The following RERE variants were observed in gnomAD, a reference collection of about 807,000 sequenced individuals.
The protein encoded by RERE is arginine-glutamic acid dipeptide repeats.
A neutral mutation model predicts 146.1 loss-of-function variants in RERE; 40 were observed. The observed-to-expected ratio is 0.27, with a 90% CI of 0.21 to 0.36. The LOEUF is 0.36. Ranked by LOEUF, RERE falls within the 10% of genes least tolerant of loss-of-function variation. The pLI, the probability that RERE is intolerant of heterozygous loss-of-function variation, is 1.00. For synonymous variants in RERE, 1,003 were observed against 866.0 expected (o/e 1.16, Z -2.78); for missense variants, 1,933 against 2,138.7 (o/e 0.90, Z 1.90).
chr1:8,624,273 T>C (rs757446504), intron 3 of RERE, 37 bp downstream of exon 3: 29 of 1,459,396 alleles, frequency 2.0e-5, no homozygotes, highest in African/African-American at 2.8e-5. Context: ...AAAGAGAGAA[T>C]ACAGAGCAGA....
At chr1:8,716,654 G>A (rs925811245) in intron 1 of RERE, among the ~76,000 whole-genome samples, 10 of 151,792 alleles carry the variant, frequency 6.6e-5, no homozygotes, top group Admixed American at 3.3e-4. Flanking sequence ...GATTAAGTAC[G>A]TGCACATATA....
intron 7 of RERE, among the ~76,000 whole-genome samples, chr1:8,516,147 C>A (rs1413009668): frequency 7.0e-5 from 10 of 143,474 alleles, no homozygotes; most frequent in African/African-American, 2.6e-4. Context: ...ATTGCTCAAA[C>A]CCAGGAGATG....
intron 1 of RERE, among the ~76,000 whole-genome samples, chr1:8,801,057 G>A (rs550145600): frequency 8.5e-5 from 13 of 152,102 alleles, no homozygotes; most frequent in African/African-American, 1.2e-4. Context: ...CCAGGAGTTC[G>A]AGACCAGCCT....
chr1:8,687,679 C>T (rs1374016803), intron 1 of RERE, among the ~76,000 whole-genome samples: 1 of 152,072 alleles, frequency 6.6e-6, no homozygotes, highest in African/African-American at 2.4e-5. Context: ...AGATTACATC[C>T]CATTTTCACA....
chr1:8,497,512 C>T lies in RERE; in HGVS notation c.897G>A (p.Leu299=). Residue 299 remains leucine, a synonymous_variant, in exon 9 of 23, where the codon CTG becomes CTA. Coordinates refer to ENST00000400908, the MANE Select transcript of RERE (RefSeq NM_001042681.2). ...GPSHQAKLPD[L]QPFPSPDGDT... is the part of the protein sequence containing the mutation. ...CACCATCTGGAGAAGGAAATGGTTG[C>T]AGATCTGGAAGTTTGGCCTGTAAGA... 2 of 1,614,062 alleles carry T rather than the reference C, an allele frequency of 1.2e-6. No homozygotes were observed. The highest frequency in any genetic ancestry group is 1.7e-6 in the Non-Finnish European group (2 of 1,179,988).
chr1:8,431,339 G>T (rs1340968193), intron 11 of RERE, among the ~76,000 whole-genome samples: 7 of 152,198 alleles, frequency 4.6e-5, no homozygotes, highest in South Asian at 4.1e-4. Flanking sequence ...GCATGTGAGG[G>T]ATCTGGGTTG....
At chr1:8,518,179 G>A (rs1403051606) in intron 7 of RERE, among the ~76,000 whole-genome samples, 1 of 152,214 alleles carries the variant, frequency 6.6e-6, no homozygotes, top group Non-Finnish European at 1.5e-5. Context: ...GAAGATGAGG[G>A]AGGAGGATAG....
intron 2 of RERE, among the ~76,000 whole-genome samples, chr1:8,640,340 T>G (rs1156466279): frequency 6.6e-6 from 1 of 152,118 alleles, no homozygotes; most frequent in African/African-American, 2.4e-5. Flanking sequence ...ACTCCATCTG[T>G]CAAGTATCAA....
At chr1:8,388,238 A>G (rs1488749683) in intron 12 of RERE, among the ~76,000 whole-genome samples, 1 of 152,244 alleles carries the variant, frequency 6.6e-6, no homozygotes, top group African/African-American at 2.4e-5. Flanking sequence ...GGGGGGTTAT[A>G]GCAGAATACC....
chr1:8,635,962 C>T lies in RERE; in HGVS notation c.326-11582G>A, dbSNP rs566310715. ...ATTATTTTATTTTATCTTATCTTATCTTATCTTATCTTATCTTATTTTATT... is the reference window on the plus strand; with the variant it reads ...ATTATTTTATTTTATCTTATCTTATTTTATCTTATCTTATCTTATTTTATT... On this transcript the variant is annotated intron_variant, in intron 2 of 22. Transcript: ENST00000400908. Among the ~76,000 whole-genome samples the T allele has an allele frequency of 3.2e-3, 455 of 143,894 alleles. 1 individual carries two copies. The highest frequency in any genetic ancestry group is 0.012 in the African/African-American group (430 of 36,370). 94.4% of individuals were successfully genotyped at this position (143,894 alleles called of 152,430 possible). A position where few individuals can be genotyped will look rare whatever the true frequency, so the allele number is the denominator to read the frequency against.
At chr1:8,488,681 T>C (rs1373876170) in intron 10 of RERE, among the ~76,000 whole-genome samples, 6 of 152,136 alleles carry the variant, frequency 3.9e-5, no homozygotes, top group East Asian at 1.9e-4. Flanking sequence ...ACTTCCTATA[T>C]AGCTACAGTA....
At chr1:8,390,278 C>T (rs969623354) in intron 12 of RERE, among the ~76,000 whole-genome samples, 1 of 152,178 alleles carries the variant, frequency 6.6e-6, no homozygotes, top group Non-Finnish European at 1.5e-5. Flanking sequence ...ACAGAGAGGC[C>T]TTTGGCACAT....
At chr1:8,473,804 C>T (rs1365190120) in intron 10 of RERE, among the ~76,000 whole-genome samples, 1 of 152,166 alleles carries the variant, frequency 6.6e-6, no homozygotes, top group Non-Finnish European at 1.5e-5. Flanking sequence ...CTAAATGAGA[C>T]AAAATGTGTC....
intron 1 of RERE, among the ~76,000 whole-genome samples, chr1:8,734,443 T>C (rs993372934): frequency 6.6e-6 from 1 of 152,166 alleles, no homozygotes; most frequent in East Asian, 1.9e-4. Flanking sequence ...TTTAATATTA[T>C]AGTTTCCCAA....
In RERE at chr1:8,611,388, C is replaced by T. The variant is rs577024161; in HGVS notation, c.522+3173G>A. ...GTGTGGTAGCCCACACCTGTAACCC[C>T]AGCTACTCAGGAGGCTGAGGCAGGA... On this transcript the variant is annotated intron_variant, in intron 4 of 22. Coordinates refer to ENST00000400908, the MANE Select transcript of RERE (RefSeq NM_001042681.2). Among the ~76,000 whole-genome samples, 6 of 151,624 alleles carry T rather than the reference C, an allele frequency of 4.0e-5. No individual in the cohort carries two copies. In the South Asian group the frequency reaches 1.3e-3, roughly 32 times the overall value.
In RERE at chr1:8,607,534, C is replaced by CTTTTTTTTTT. The variant is rs1167501074; in HGVS notation, c.522+7017_522+7026dup. On this transcript the variant is annotated intron_variant, in intron 4 of 22. Coordinates refer to ENST00000400908, the MANE Select transcript of RERE (RefSeq NM_001042681.2). ...CGCATATTTGTTTTTATATATATTTCTTTTTTTTTTTTTTTTTTTTTTTTT... is the reference window on the plus strand; with the variant it reads ...CGCATATTTGTTTTTATATATATTTCTTTTTTTTTTTTTTTTTTTTTTTTTTTTTTTTTTT... Among the ~76,000 whole-genome samples the CTTTTTTTTTT allele has an allele frequency of 8.5e-3, 414 of 48,576 alleles. 96 individuals are homozygous for CTTTTTTTTTT. The highest frequency in any genetic ancestry group is 0.02 in the East Asian group (23 of 1,154). The allele number at this position is 48,576 out of a possible 152,430, so 31.9% of individuals were successfully genotyped here. A position where few individuals can be genotyped will look rare whatever the true frequency, so the allele number is the denominator to read the frequency against.
intron 11 of RERE, among the ~76,000 whole-genome samples, chr1:8,443,927 C>T (rs942413993): frequency 2.6e-4 from 39 of 152,216 alleles, no homozygotes; most frequent in Non-Finnish European, 5.1e-4. Context: ...AGGCCAGAAG[C>T]CTGCTGCAGA....
intron 10 of RERE, among the ~76,000 whole-genome samples, chr1:8,492,814 G>A (rs1472776246): frequency 6.6e-6 from 1 of 152,202 alleles, no homozygotes; most frequent in Non-Finnish European, 1.5e-5. Flanking sequence ...GGAAGCTAAG[G>A]TGGGAGAAAA....
chr1:8,539,500 G>A (rs1019352192), intron 7 of RERE, among the ~76,000 whole-genome samples: 2 of 152,002 alleles, frequency 1.3e-5, no homozygotes, highest in African/African-American at 4.8e-5. Flanking sequence ...CCGCCTCCCG[G>A]GTTAAAGCAA....
Sources: allele counts gnomAD v4.1 joint callset (sites outside exome capture counted in the v4.1 genomes callset), GRCh38; gene constraint gnomAD v4.1.1; transcripts MANE v1.5; gene names NCBI Gene and HGNC (gene_info 2026-07-23, HGNC 2026-07-21).